The following CHRM3 variants were observed in gnomAD, a reference collection of about 807,000 sequenced individuals.
CHRM3 encodes muscarinic acetylcholine receptor M3.
CHRM3 carries 11 observed loss-of-function variants against 41.8 expected under a neutral mutation model. The ratio of observed to expected loss-of-function variants is 0.26; its 90% CI spans 0.17 to 0.44. The LOEUF is 0.44. Ranked by LOEUF, CHRM3 falls within the 20% of genes least tolerant of loss-of-function variation. The probability of loss-of-function intolerance (pLI) is 1.00; values close to 1 mark genes in which losing one functional copy is unlikely to be tolerated. For synonymous variants in CHRM3, 297 were observed against 301.4 expected, an observed-to-expected ratio of 0.99 and a Z score of 0.15; for missense variants, 571 against 745.4, an observed-to-expected ratio of 0.77 and a Z score of 2.72.
At chr1:239,404,086 A>G (rs1057445119) in intron 1 of CHRM3, among the ~76,000 whole-genome samples, 2 of 149,932 alleles carry the variant, frequency 1.3e-5, no homozygotes, top group Admixed American at 6.7e-5. Context: ...CACGAGATCG[A>G]GACCATCCTG....
At chr1:239,666,815 A>G (rs1673852680) in intron 4 of CHRM3, among the ~76,000 whole-genome samples, 1 of 152,006 alleles carries the variant, frequency 6.6e-6, no homozygotes. Context: ...GTTTCTCAAC[A>G]TTTCCCCCTC....
chr1:239,488,714 C>CAAAAAAAAAAA (rs763682628), intron 1 of CHRM3, among the ~76,000 whole-genome samples: 1 of 46,208 alleles, frequency 2.2e-5, no homozygotes, highest in African/African-American at 1.0e-4. Context: ...GACTCCTTCT[C>CAAAAAAAAAAA]AAAAAAAAAA....
At chr1:239,864,422 G>A (rs1461605183) in intron 6 of CHRM3, among the ~76,000 whole-genome samples, 4 of 152,012 alleles carry the variant, frequency 2.6e-5, no homozygotes, top group Admixed American at 6.5e-5. Flanking sequence ...CAGGAGAATC[G>A]CTTGAATCTG....
chr1:239,891,413 G>C (rs1011496878), intron 6 of CHRM3, among the ~76,000 whole-genome samples: 4 of 151,994 alleles, frequency 2.6e-5, no homozygotes, highest in African/African-American at 9.7e-5. Flanking sequence ...AAAATGACGA[G>C]GTTCATGAGT....
At chr1:239,688,457 TTATATTA>T (rs921136438) in intron 5 of CHRM3, among the ~76,000 whole-genome samples, 12 of 142,576 alleles carry the variant, frequency 8.4e-5, no homozygotes, top group East Asian at 6.0e-4. Flanking sequence ...TATAAATATA[TTATATTA>T]TATATTATAT....
chr1:239,429,969 C>T (rs1662695272), intron 1 of CHRM3, among the ~76,000 whole-genome samples: 1 of 133,406 alleles, frequency 7.5e-6, no homozygotes, highest in Non-Finnish European at 1.6e-5. Flanking sequence ...AACACCCAGA[C>T]AATCTTTTTT....
rs1558239591 is a variant in CHRM3, at chr1:239,912,860, G to A, written c.*3636G>A. On this transcript the variant is annotated 3_prime_UTR_variant, in exon 7 of 7. Coordinates refer to ENST00000676153, the MANE Select transcript of CHRM3 (RefSeq NM_001375978.1). ...TATAGTCAAAGAAGCAATGAATTTA[G>A]GATGAGGAACCTGAAGTTTCTGGAC... The A allele has an allele frequency of 6.0e-6, 1 of 167,066 alleles. No individual in the cohort carries two copies. Among genetic ancestry groups the A allele is most frequent in the Non-Finnish European group, 1.5e-5 (1 of 68,114 alleles). 10.3% of individuals were successfully genotyped at this position (167,066 alleles called of 1,614,324 possible).
chr1:239,550,599 T>C (rs1659720414), intron 3 of CHRM3, among the ~76,000 whole-genome samples: 1 of 152,230 alleles, frequency 6.6e-6, no homozygotes, highest in South Asian at 2.1e-4. Flanking sequence ...GTTATTAATA[T>C]AAATCTGTAA....
At chr1:239,715,218 A>ATTGG (rs34450453) in intron 5 of CHRM3, among the ~76,000 whole-genome samples, 61,086 of 151,694 alleles carry the variant, frequency 0.4, 12,568 homozygotes, top group Middle Eastern at 0.51. Flanking sequence ...GCATATTTAA[A>ATTGG]TTGGTTAAGA....
intron 1 of CHRM3, among the ~76,000 whole-genome samples, chr1:239,486,359 A>G (rs1298829536): frequency 6.6e-6 from 1 of 152,046 alleles, no homozygotes; most frequent in Non-Finnish European, 1.5e-5. Context: ...ATTCTTTCTT[A>G]GCTCTCAACT....
chr1:239,428,053 G>A (rs559854624), intron 1 of CHRM3, among the ~76,000 whole-genome samples: 12 of 152,230 alleles, frequency 7.9e-5, no homozygotes, highest in East Asian at 1.9e-4. Context: ...AAAGTTTGCC[G>A]TCCTATATAG....
At chr1:239,515,669 C>T (rs905445738) in intron 2 of CHRM3, among the ~76,000 whole-genome samples, 1 of 152,142 alleles carries the variant, frequency 6.6e-6, no homozygotes, top group African/African-American at 2.4e-5. Flanking sequence ...CATTTAACTC[C>T]TTGCATCCTG....
chr1:239,727,997 A>G (rs1485054465), intron 5 of CHRM3, among the ~76,000 whole-genome samples: 6 of 152,142 alleles, frequency 3.9e-5, no homozygotes, highest in African/African-American at 9.6e-5. Context: ...GGACACCCCA[A>G]TCAAGCTAAT....
chr1:239,389,699 G>T (rs940810107), intron 1 of CHRM3, among the ~76,000 whole-genome samples: 2 of 152,304 alleles, frequency 1.3e-5, no homozygotes, highest in African/African-American at 2.4e-5. Context: ...TTATGTATTT[G>T]TAAATTATAA....
intron 1 of CHRM3, among the ~76,000 whole-genome samples, chr1:239,444,069 A>G (rs1243978099): frequency 1.3e-5 from 2 of 152,212 alleles, no homozygotes; most frequent in African/African-American, 2.4e-5. Flanking sequence ...GTCAGGCACC[A>G]GGCTCAGCAT....
intron 6 of CHRM3, among the ~76,000 whole-genome samples, chr1:239,906,071 A>G (rs1679948236): frequency 6.6e-6 from 1 of 152,232 alleles, no homozygotes; most frequent in South Asian, 2.1e-4. Context: ...GACTCAAAGA[A>G]GTTAAATATC....
chr1:239,811,497 A>G (rs930188368), intron 5 of CHRM3, among the ~76,000 whole-genome samples: 3 of 152,190 alleles, frequency 2.0e-5, no homozygotes, highest in African/African-American at 7.2e-5. Flanking sequence ...ATCTGCTGTC[A>G]GCCTCCTCTG....
At chr1:239,409,232 G>C (rs1437865739) in intron 1 of CHRM3, among the ~76,000 whole-genome samples, 1 of 152,178 alleles carries the variant, frequency 6.6e-6, no homozygotes, top group African/African-American at 2.4e-5. Context: ...AAGAAGACCA[G>C]CTAATTTTTA....
intron 1 of CHRM3, among the ~76,000 whole-genome samples, chr1:239,467,365 G>A (rs1484997228): frequency 2.0e-5 from 3 of 151,990 alleles, no homozygotes; most frequent in South Asian, 2.1e-4. Flanking sequence ...GCACTGGTGC[G>A]ATCTCAGTTG....
Sources: allele counts gnomAD v4.1 joint callset (sites outside exome capture counted in the v4.1 genomes callset), GRCh38; gene constraint gnomAD v4.1.1; transcripts MANE v1.5; gene names NCBI Gene and HGNC (gene_info 2026-07-23, HGNC 2026-07-21).